The following MCOLN3 variants were observed in gnomAD, a reference collection of about 807,000 sequenced individuals.
MCOLN3 encodes the protein mucolipin TRP cation channel 3.
A neutral mutation model predicts 69.4 loss-of-function variants in MCOLN3; 62 were observed. The ratio of observed to expected loss-of-function variants is 0.89; its 90% confidence interval spans 0.73 to 1.10. The LOEUF is 1.10. Ranked by LOEUF, MCOLN3 falls within the 50% of genes least tolerant of loss-of-function variation. MCOLN3 has a pLI of 0.00. For missense variants in MCOLN3, 564 were observed against 656.4 expected (o/e 0.86, Z 1.54); for synonymous variants, 183 against 217.0 (o/e 0.84, Z 1.38).
At chr1:85,041,608 G>A (rs978527658) in intron 2 of MCOLN3, among the ~76,000 whole-genome samples, 7 of 151,890 alleles carry the variant, frequency 4.6e-5, no homozygotes, top group Non-Finnish European at 8.8e-5. Flanking sequence ...GGTGGTTCAC[G>A]CCTGTAATCC....
chr1:85,043,536 A>AAG (rs1266608737), intron 2 of MCOLN3, among the ~76,000 whole-genome samples: 2 of 151,846 alleles, frequency 1.3e-5, no homozygotes, highest in Non-Finnish European at 2.9e-5. Flanking sequence ...TCTCAAAAAA[A>AAG]AAAAAAGAAT....
At chr1:85,045,042 G>T in intron 2 of MCOLN3, 91 bp downstream of exon 2, 1 of 964,946 alleles carries the variant, frequency 1.0e-6, no homozygotes, top group South Asian at 1.7e-5. Context: ...TTTGCATATA[G>T]TTAAAAGTTA....
In MCOLN3 at chr1:85,019,537, G is replaced by A. The variant is rs77050539; in HGVS notation, c.1528-280C>T. 3.1e-3 allele frequency among the ~76,000 whole-genome samples: 467 copies of A among 152,260 alleles called. 4 individuals are homozygous for A. The highest frequency in any genetic ancestry group is 0.011 in the African/African-American group (445 of 41,548). ...TCGAAGTCTGAGTCGTCCTTCCAGG[G>A]AGAATTGAGCTAGCCCCATCCCAAG... On this transcript the variant is annotated intron_variant, in intron 12 of 12. Coordinates refer to ENST00000370589, the MANE Select transcript of MCOLN3 (RefSeq NM_018298.11).
chr1:85,045,933 C>T (rs535357622), intron 1 of MCOLN3, among the ~76,000 whole-genome samples: 23 of 152,346 alleles, frequency 1.5e-4, no homozygotes, highest in African/African-American at 5.5e-4. Flanking sequence ...AGGGAAATCA[C>T]TTAGCCCTTC....
intron 2 of MCOLN3, among the ~76,000 whole-genome samples, chr1:85,043,618 C>T (rs1438888464): frequency 6.6e-6 from 1 of 151,814 alleles, no homozygotes; most frequent in Non-Finnish European, 1.5e-5. Flanking sequence ...TATTATTATT[C>T]TAAGTAGAAA....
chr1:85,037,861 G>A (rs1009263963), intron 3 of MCOLN3, among the ~76,000 whole-genome samples: 3 of 152,168 alleles, frequency 2.0e-5, no homozygotes, highest in East Asian at 1.9e-4. Context: ...CTGGGCATCC[G>A]TCCCTCCTGG....
At chr1:85,037,497 T>C (rs764375015) in intron 3 of MCOLN3, among the ~76,000 whole-genome samples, 9 of 152,264 alleles carry the variant, frequency 5.9e-5, no homozygotes, top group Non-Finnish European at 1.2e-4. Context: ...TTTTAAGTTC[T>C]TGAACTGTGA....
intron 9 of MCOLN3, chr1:85,025,667 G>A (rs1041746517): frequency 7.0e-5 from 20 of 287,636 alleles, no homozygotes; most frequent in African/African-American, 9.0e-5. Flanking sequence ...CACAGGCCCC[G>A]CCGAAGAGTC....
intron 10 of MCOLN3, 32 bp downstream of exon 10, chr1:85,022,267 C>A (rs1571086651): frequency 1.2e-6 from 2 of 1,613,690 alleles, no homozygotes; most frequent in East Asian, 4.5e-5. Context: ...GAGAGAAATA[C>A]CAACAGCATG....
chr1:85,045,250 C>T lies in MCOLN3; in HGVS notation c.111G>A (p.Gln37=). The T allele has an allele frequency of 6.2e-7, 1 of 1,614,138 alleles. No homozygotes were observed. The highest frequency in any genetic ancestry group is 8.5e-7 in the Non-Finnish European group (1 of 1,180,018). Residue 37 remains glutamine, a synonymous_variant, in exon 2 of 13, where the codon CAG becomes CAA. Coordinates refer to ENST00000370589, the MANE Select transcript of MCOLN3 (RefSeq NM_018298.11). ...AAAAAAATTTGAGTTTTCGCCTCAT[C>T]TGGTCTTCTAATAGAAGCTCCTCAG... The part of the protein sequence containing the change: ...SPSEELLLED[Q]MRRKLKFFFM...
intron 3 of MCOLN3, among the ~76,000 whole-genome samples, chr1:85,035,363 G>A (rs1398835887): frequency 6.6e-6 from 1 of 152,100 alleles, no homozygotes; most frequent in Non-Finnish European, 1.5e-5. Flanking sequence ...TTCCAAATTT[G>A]CATCTTCAGC....
rs1286390157 is a variant in MCOLN3, at chr1:85,026,167, C to T, written c.945+5G>A. On this transcript the variant is annotated splice_donor_5th_base_variant and intron_variant, in intron 8 of 12. Transcript: ENST00000370589. ...GTAGCATTCCTAGAAAGCAACGTTC[C>T]CTACCTGCTGAAGCTGAAGTCCTCT... 6.2e-7 allele frequency: 1 copy of T among 1,613,556 alleles called. No homozygotes were observed. The highest frequency in any genetic ancestry group is 2.2e-5 in the East Asian group (1 of 44,862).
intron 9 of MCOLN3, chr1:85,022,779 G>C (rs1652013492): frequency 5.2e-6 from 1 of 194,004 alleles, no homozygotes; most frequent in Non-Finnish European, 1.0e-5. Context: ...GGACTGGCAA[G>C]TGCAAAGGCC....
At position 85,032,968 on chromosome 1, in the gene MCOLN3, A is replaced by G; in HGVS notation, c.551-12T>C. On this transcript the variant is annotated splice_polypyrimidine_tract_variant and intron_variant, in intron 4 of 12. Coordinates refer to ENST00000370589, the MANE Select transcript of MCOLN3 (RefSeq NM_018298.11). ...CACAAAGAAACACTCTGCCATAGAA[A>G]GGAACAAAAACATGATACAGTACTT... 1 of 1,612,684 alleles carries G rather than the reference A, an allele frequency of 6.2e-7. No individual in the cohort carries two copies. The highest frequency in any genetic ancestry group is 2.2e-5 in the East Asian group (1 of 44,878).
At chr1:85,037,403 G>A (rs1247346608) in intron 3 of MCOLN3, among the ~76,000 whole-genome samples, 1 of 152,162 alleles carries the variant, frequency 6.6e-6, no homozygotes, top group Non-Finnish European at 1.5e-5. Context: ...CTCTCCCAGA[G>A]TCCAGGTGTA....
chr1:85,034,299 G>A (rs947617090), intron 3 of MCOLN3, 48 bp from the exon 4 acceptor site: 2 of 1,605,260 alleles, frequency 1.2e-6, no homozygotes, highest in Non-Finnish European at 8.5e-7. Flanking sequence ...GCCAGGGCAG[G>A]AGTGAAGCCA....
intron 3 of MCOLN3, among the ~76,000 whole-genome samples, chr1:85,040,138 T>C (rs1160190126): frequency 6.6e-6 from 1 of 152,180 alleles, no homozygotes; most frequent in African/African-American, 2.4e-5. Flanking sequence ...AGGACATAGT[T>C]CTGTTGAACA....
At chr1:85,022,003 G>A in intron 11 of MCOLN3, 67 bp downstream of exon 11, 1 of 1,543,720 alleles carries the variant, frequency 6.5e-7, no homozygotes, top group East Asian at 2.3e-5. Flanking sequence ...CATTGAAAAA[G>A]GATAACAAGC....
chr1:85,040,028 T>C (rs1652986465), intron 3 of MCOLN3, among the ~76,000 whole-genome samples: 1 of 152,048 alleles, frequency 6.6e-6, no homozygotes. Flanking sequence ...AACACCAAAC[T>C]ACCAGTTTAG....
Sources: allele counts gnomAD v4.1 joint callset (sites outside exome capture counted in the v4.1 genomes callset), GRCh38; gene constraint gnomAD v4.1.1; transcripts MANE v1.5; gene names NCBI Gene and HGNC (gene_info 2026-07-23, HGNC 2026-07-21).